CTNNA2: variants seen among roughly 807,000 people sequenced by gnomAD.
CTNNA2 encodes the protein catenin alpha 2.
In CTNNA2, 42 loss-of-function variants were observed where a neutral mutation model predicts 101.0. That is an observed-to-expected ratio of 0.42 (90% CI 0.32 to 0.54). The LOEUF (loss-of-function observed/expected upper bound fraction) is 0.54. CTNNA2 is among the 20% of genes least tolerant of loss of function. CTNNA2 has a pLI of 0.14. For synonymous variants in CTNNA2, 450 were observed against 456.4 expected (o/e 0.99, Z 0.18); for missense variants, 871 against 1,223.1 (o/e 0.71, Z 4.29).
At chr2:79,858,265 T>C in intron 4 of CTNNA2, 86 bp downstream of exon 4, 1 of 1,079,794 alleles carries the variant, frequency 9.3e-7, no homozygotes, top group South Asian at 1.5e-5. Context: ...CTACTCTAGA[T>C]GTTTCATTGC....
At chr2:79,887,167 G>T (rs1210262025) in intron 6 of CTNNA2, among the ~76,000 whole-genome samples, 2 of 152,012 alleles carry the variant, frequency 1.3e-5, no homozygotes, top group South Asian at 4.1e-4. Context: ...GCCGGGGGGA[G>T]AATGAGTTTG....
At chr2:79,564,051 C>G (rs938428364) in intron 1 of CTNNA2, among the ~76,000 whole-genome samples, 1 of 152,102 alleles carries the variant, frequency 6.6e-6, no homozygotes, top group African/African-American at 2.4e-5. Flanking sequence ...CCTTTTCCAC[C>G]ATCCCAGTTT....
chr2:80,385,389 A>G (rs1676905743), intron 7 of CTNNA2, among the ~76,000 whole-genome samples: 1 of 152,172 alleles, frequency 6.6e-6, no homozygotes, highest in Admixed American at 6.5e-5. Flanking sequence ...CACAAAAAGA[A>G]GACAGCCTTC....
chr2:79,794,280 G>T (rs185906332), intron 3 of CTNNA2, among the ~76,000 whole-genome samples: 1 of 152,234 alleles, frequency 6.6e-6, no homozygotes, highest in Admixed American at 6.5e-5. Context: ...CTGTTAGGTT[G>T]GTGCAAAAGT....
intron 7 of CTNNA2, among the ~76,000 whole-genome samples, chr2:80,139,421 T>A (rs1446705048): frequency 1.3e-5 from 2 of 152,152 alleles, no homozygotes; most frequent in African/African-American, 2.4e-5. Context: ...TCTTTTATTC[T>A]TAAATATGGT....
chr2:79,779,640 T>A (rs1674271912), intron 3 of CTNNA2, among the ~76,000 whole-genome samples: 1 of 152,136 alleles, frequency 6.6e-6, no homozygotes, highest in Non-Finnish European at 1.5e-5. Flanking sequence ...AGCAGATAAT[T>A]TTAATATGCT....
chr2:79,432,094 A>T (rs959555724), intron 4 of CTNNA2, among the ~76,000 whole-genome samples: 2 of 152,204 alleles, frequency 1.3e-5, no homozygotes, highest in African/African-American at 4.8e-5. Flanking sequence ...TTTTGTTAAC[A>T]GCAGCCTCAA....
intron 3 of CTNNA2, among the ~76,000 whole-genome samples, chr2:79,767,448 A>G (rs1450587024): frequency 6.6e-6 from 1 of 151,936 alleles, no homozygotes; most frequent in Non-Finnish European, 1.5e-5. Context: ...TTAGTTATTT[A>G]TTTTAATGAT....
At chr2:79,681,630 A>G (rs1247239214) in intron 2 of CTNNA2, among the ~76,000 whole-genome samples, 1 of 152,242 alleles carries the variant, frequency 6.6e-6, no homozygotes, top group African/African-American at 2.4e-5. Flanking sequence ...TCACACATGC[A>G]TCAAAATCCT....
chr2:79,943,026 G>A (rs1437303563), intron 7 of CTNNA2, among the ~76,000 whole-genome samples: 1 of 152,060 alleles, frequency 6.6e-6, no homozygotes, highest in African/African-American at 2.4e-5. Flanking sequence ...AGACCATTCT[G>A]GCCAATGTGT....
intron 7 of CTNNA2, among the ~76,000 whole-genome samples, chr2:80,314,816 T>C (rs113405601): frequency 6.6e-6 from 1 of 152,210 alleles, no homozygotes; most frequent in African/African-American, 2.4e-5. Flanking sequence ...TCCTCAAACA[T>C]GGAACAAGGT....
intron 12 of CTNNA2, among the ~76,000 whole-genome samples, chr2:80,570,351 A>G (rs1694476022): frequency 6.6e-6 from 1 of 152,202 alleles, no homozygotes; most frequent in African/African-American, 2.4e-5. Flanking sequence ...GCCCAGCCTC[A>G]TCACTCTTAA....
chr2:79,260,590 C>CT (rs535821672), intron 2 of CTNNA2, among the ~76,000 whole-genome samples: 45 of 152,086 alleles, frequency 3.0e-4, no homozygotes, highest in African/African-American at 1.0e-3. Flanking sequence ...CATTTTTAAA[C>CT]TTTTTTTTAA....
At chr2:80,563,618 C>G (rs1053369006) in intron 12 of CTNNA2, among the ~76,000 whole-genome samples, 1 of 152,124 alleles carries the variant, frequency 6.6e-6, no homozygotes, top group African/African-American at 2.4e-5. Flanking sequence ...TCATGTGATT[C>G]TCCCCACCTC....
chr2:79,598,898 T>C (rs1677369089), intron 1 of CTNNA2, among the ~76,000 whole-genome samples: 1 of 152,198 alleles, frequency 6.6e-6, no homozygotes, highest in Non-Finnish European at 1.5e-5. Flanking sequence ...CATCTAGGCT[T>C]TCTCTTATGT....
intron 7 of CTNNA2, among the ~76,000 whole-genome samples, chr2:80,039,280 G>T (rs1695876208): frequency 1.3e-5 from 2 of 152,232 alleles, no homozygotes; most frequent in South Asian, 4.2e-4. Flanking sequence ...AAGCATAAGA[G>T]ATACCCAGAG....
Position 79,261,429 on chromosome 2 carries a change from G to A in CTNNA2, c.-405-51280G>A, listed in dbSNP as rs995792496. 5.6e-4 allele frequency among the ~76,000 whole-genome samples: 86 copies of A among 152,340 alleles called. 1 individual carries two copies. Among genetic ancestry groups the A allele is most frequent in the African/African-American group, 2.1e-3 (86 of 41,584 alleles). On this transcript the variant is annotated intron_variant, in intron 2 of 21. Coordinates refer to the CTNNA2 transcript ENST00000466387. ...TGAAGCCTGCATCACATATTAAGATGCAAAGTTGGTGTATTCATCTGCTAT... is the reference window on the plus strand; with the variant it reads ...TGAAGCCTGCATCACATATTAAGATACAAAGTTGGTGTATTCATCTGCTAT...
At chr2:79,521,207 G>A (rs1672106542) in intron 1 of CTNNA2, among the ~76,000 whole-genome samples, 2 of 144,062 alleles carry the variant, frequency 1.4e-5, no homozygotes, top group Non-Finnish European at 1.5e-5. Flanking sequence ...TTACCTGGCA[G>A]CAGAGGAAGG....
chr2:80,246,098 A>T (rs967849577), intron 7 of CTNNA2, among the ~76,000 whole-genome samples: 2 of 152,132 alleles, frequency 1.3e-5, no homozygotes, highest in Non-Finnish European at 2.9e-5. Flanking sequence ...TTGGCCTATG[A>T]TTTAACTTTT....
Sources: gnomAD v4.1 joint callset for allele counts (sites outside exome capture counted in the v4.1 genomes callset) on GRCh38, gnomAD v4.1.1 for gene constraint, MANE v1.5 for transcripts, NCBI Gene and HGNC (gene_info 2026-07-23, HGNC 2026-07-21) for gene names.